Variants in RALGAPA2 observed in about 807,000 individuals in gnomAD.
RALGAPA2 encodes ral GTPase-activating protein subunit alpha-2.
In RALGAPA2, 139 loss-of-function variants were observed where a neutral mutation model predicts 230.4. The ratio of observed to expected loss-of-function variants is 0.60; its 90% CI spans 0.53 to 0.69. RALGAPA2 has a LOEUF of 0.69. RALGAPA2 is among the 30% of genes least tolerant of loss of function. The probability of loss-of-function intolerance (pLI) is 0.00; values close to 1 mark genes in which losing one functional copy is unlikely to be tolerated. For missense variants in RALGAPA2, 2,163 were observed against 2,276.0 expected (o/e 0.95, Z 1.01); for synonymous variants, 847 against 837.8 (o/e 1.01, Z -0.19).
At chr20:20,698,562 G>A (rs2069217225) in intron 1 of RALGAPA2, among the ~76,000 whole-genome samples, 1 of 152,156 alleles carries the variant, frequency 6.6e-6, no homozygotes, top group Admixed American at 6.5e-5. Context: ...ACTTATTTTT[G>A]TATTTTTAGT....
chr20:20,501,831 TA>T (rs981342973), intron 35 of RALGAPA2, among the ~76,000 whole-genome samples: 3 of 152,156 alleles, frequency 2.0e-5, no homozygotes, highest in Non-Finnish European at 4.4e-5. Context: ...ATCAAGGGGT[TA>T]TTAATTGGCC....
chr20:20,423,970 G>A (rs769406840), intron 37 of RALGAPA2, among the ~76,000 whole-genome samples: 2 of 152,178 alleles, frequency 1.3e-5, no homozygotes, highest in Non-Finnish European at 2.9e-5. Flanking sequence ...GAAATGATAA[G>A]AGCAAATGGA....
In RALGAPA2 at chr20:20,635,495, AG is replaced by A; in HGVS notation, c.927del (p.Phe310SerfsTer8). 6.2e-7 allele frequency: 1 copy of A among 1,601,908 alleles called. No individual in the cohort carries two copies. The highest frequency in any genetic ancestry group is 2.2e-5 in the East Asian group (1 of 44,462). On this transcript the variant is annotated frameshift_variant, in exon 9 of 40. Coordinates refer to ENST00000202677, the MANE Select transcript of RALGAPA2 (RefSeq NM_020343.4). LOFTEE classifies it high-confidence loss of function. ...ARVVFIKWIV[T>X]FFLEKKYLTA... ...GTTAGATACTTTTTTTCCAAAAAGA[AG>A]GTTACAATCCACTTAATAAAAACAA...
At chr20:20,663,330 T>C (rs1225619865) in intron 3 of RALGAPA2, among the ~76,000 whole-genome samples, 1 of 152,198 alleles carries the variant, frequency 6.6e-6, no homozygotes, top group Non-Finnish European at 1.5e-5. Flanking sequence ...TAGGGAGATA[T>C]GTTTCAAGAC....
intron 12 of RALGAPA2, among the ~76,000 whole-genome samples, chr20:20,616,800 T>C (rs1437683827): frequency 6.6e-6 from 1 of 152,214 alleles, no homozygotes; most frequent in Non-Finnish European, 1.5e-5. Flanking sequence ...AGATATATTA[T>C]GCAGTAGCAT....
chr20:20,614,167 A>T (rs2066063419), intron 13 of RALGAPA2, among the ~76,000 whole-genome samples: 1 of 152,132 alleles, frequency 6.6e-6, no homozygotes, highest in Non-Finnish European at 1.5e-5. Flanking sequence ...AAAATCCATT[A>T]CAGAAACTGC....
chr20:20,495,978 G>T (rs779623048), intron 35 of RALGAPA2, among the ~76,000 whole-genome samples: 1 of 152,094 alleles, frequency 6.6e-6, no homozygotes, highest in Admixed American at 6.5e-5. Context: ...AGAAATGGGC[G>T]CTCAGGAAGG....
intron 23 of RALGAPA2, among the ~76,000 whole-genome samples, chr20:20,567,264 T>A (rs1362632951): frequency 6.6e-6 from 1 of 152,250 alleles, no homozygotes; most frequent in Non-Finnish European, 1.5e-5. Context: ...ATCATGAAAT[T>A]AATAAAAACT....
At chr20:20,463,873 G>A (rs1444361619) in intron 37 of RALGAPA2, among the ~76,000 whole-genome samples, 1 of 152,218 alleles carries the variant, frequency 6.6e-6, no homozygotes, top group Non-Finnish European at 1.5e-5. Context: ...CCTCTTGCAT[G>A]CTTTTGATAT....
chr20:20,647,378 C>T (rs2067252060), intron 4 of RALGAPA2, among the ~76,000 whole-genome samples: 1 of 152,080 alleles, frequency 6.6e-6, no homozygotes, highest in Non-Finnish European at 1.5e-5. Flanking sequence ...CTAGAAGAGG[C>T]CAGTGGAATA....
At chr20:20,562,076 T>C (rs1231477628) in intron 23 of RALGAPA2, among the ~76,000 whole-genome samples, 1 of 152,190 alleles carries the variant, frequency 6.6e-6, no homozygotes, top group Non-Finnish European at 1.5e-5. Context: ...TTGAAACTGA[T>C]AGTTGGAGCC....
intron 36 of RALGAPA2, among the ~76,000 whole-genome samples, chr20:20,488,112 T>A (rs2061960067): frequency 6.6e-6 from 1 of 152,154 alleles, no homozygotes; most frequent in Non-Finnish European, 1.5e-5. Flanking sequence ...TTTACATGGG[T>A]TTCGTCTCCC....
chr20:20,515,491 T>A (rs1264023925), intron 31 of RALGAPA2, among the ~76,000 whole-genome samples: 1 of 152,166 alleles, frequency 6.6e-6, no homozygotes, highest in African/African-American at 2.4e-5. Context: ...GGTAAAAAAC[T>A]ATAAATCCTC....
chr20:20,535,943 G>T (rs1018047267), intron 25 of RALGAPA2, 140 bp from the exon 26 acceptor site: 15 of 1,336,276 alleles, frequency 1.1e-5, no homozygotes, highest in Middle Eastern at 1.9e-4. Context: ...TGAGAGCCTG[G>T]GGGGAAGAAG....
chr20:20,514,787 T>C (rs1315235855), intron 31 of RALGAPA2, among the ~76,000 whole-genome samples: 1 of 152,198 alleles, frequency 6.6e-6, no homozygotes, highest in African/African-American at 2.4e-5. Context: ...ACCTTTCTTG[T>C]GCAGAGACTG....
intron 37 of RALGAPA2, among the ~76,000 whole-genome samples, chr20:20,445,401 A>C (rs1216480018): frequency 6.6e-6 from 1 of 152,184 alleles, no homozygotes; most frequent in Non-Finnish European, 1.5e-5. Flanking sequence ...GTTGGTTCTG[A>C]GTATGGGGGC....
At chr20:20,443,152 T>C (rs550712124) in intron 37 of RALGAPA2, among the ~76,000 whole-genome samples, 3 of 152,268 alleles carry the variant, frequency 2.0e-5, no homozygotes, top group African/African-American at 4.8e-5. Flanking sequence ...ATAGTTTTTA[T>C]ACTTTTAACC....
chr20:20,688,825 A>AT (rs1281169631), intron 1 of RALGAPA2, among the ~76,000 whole-genome samples: 4 of 152,246 alleles, frequency 2.6e-5, no homozygotes, highest in Admixed American at 2.0e-4. Context: ...AACAAAAATG[A>AT]TTTTTTAAAA....
chr20:20,389,873 C>T lies in RALGAPA2; in HGVS notation c.*3416G>A, dbSNP rs1389528727. 4 of 151,776 alleles carry T rather than the reference C, an allele frequency of 2.6e-5. No homozygotes were observed. Among genetic ancestry groups the T allele is most frequent in the Non-Finnish European group, 4.4e-5 (3 of 67,978 alleles). The allele number at this position is 151,776 out of a possible 1,614,324, so 9.4% of individuals were successfully genotyped here. A position where few individuals can be genotyped will look rare whatever the true frequency, so the allele number is the denominator to read the frequency against. On this transcript the variant is annotated 3_prime_UTR_variant, in exon 40 of 40. Transcript: ENST00000202677. Reference sequence around the variant, plus strand: ...ACAGCAAAATAAGAATCAAATGACACGCTATAACTTAATTTACCATATTTA... The same window carrying T: ...ACAGCAAAATAAGAATCAAATGACATGCTATAACTTAATTTACCATATTTA...
Sources: gnomAD v4.1 joint callset for allele counts (sites outside exome capture counted in the v4.1 genomes callset) on GRCh38, gnomAD v4.1.1 for gene constraint, MANE v1.5 for transcripts, NCBI Gene and HGNC (gene_info 2026-07-23, HGNC 2026-07-21) for gene names.